The following MOB1B variants were observed in gnomAD, a reference collection of about 807,000 sequenced individuals.
MOB1B encodes MOB1 Mps One Binder homolog B.
A neutral mutation model predicts 24.4 loss-of-function variants in MOB1B; 19 were observed. The ratio of observed to expected loss-of-function variants is 0.78; its 90% CI spans 0.54 to 1.14. MOB1B has a LOEUF of 1.14. MOB1B is among the 50% of genes most tolerant of loss of function. The pLI is 0.00. For missense variants in MOB1B, 243 were observed against 259.6 expected (o/e 0.94, Z 0.44); for synonymous variants, 76 against 82.1 (o/e 0.93, Z 0.40).
chr4:70,903,309 T>A (rs758065786), intron 1 of MOB1B, among the ~76,000 whole-genome samples: 10 of 152,234 alleles, frequency 6.6e-5, no homozygotes, highest in Non-Finnish European at 1.3e-4. Flanking sequence ...TGAAAATCAT[T>A]TGTAAATGCC....
chr4:70,958,213 A>G (rs1738149960), intron 1 of MOB1B, among the ~76,000 whole-genome samples: 1 of 149,898 alleles, frequency 6.7e-6, no homozygotes, highest in South Asian at 2.1e-4. Flanking sequence ...CGCCCAGGCT[A>G]GAGTGCAGTG....
rs567283395 is a variant in MOB1B at position 70,952,903 on chromosome 4, A to G, written c.15-5971A>G. The stretch of plus-strand genomic sequence containing the variant: ...ACATGCTTGGGTATTTATGCTTTTG[A>G]ATTTGAAGACTCTGTCATTTTGTCA... On this transcript the variant is annotated intron_variant, in intron 1 of 5. Coordinates refer to ENST00000309395, the MANE Select transcript of MOB1B (RefSeq NM_173468.4). 4.1e-5 allele frequency among the ~76,000 whole-genome samples: 6 copies of G among 147,274 alleles called. 1 individual carries two copies. The South Asian group carries it at 1.3e-3, about 32-fold the overall frequency.
intron 1 of MOB1B, among the ~76,000 whole-genome samples, chr4:70,915,535 C>A (rs1313119038): frequency 6.6e-6 from 1 of 152,120 alleles, no homozygotes; most frequent in Non-Finnish European, 1.5e-5. Flanking sequence ...TTCAGGTACG[C>A]CCTATATAAA....
intron 1 of MOB1B, among the ~76,000 whole-genome samples, chr4:70,947,716 C>A (rs1205946401): frequency 5.3e-5 from 8 of 151,542 alleles, no homozygotes; most frequent in Non-Finnish European, 1.2e-4. Flanking sequence ...AGCCTCAACA[C>A]CCCTAGGCTC....
intron 1 of MOB1B, among the ~76,000 whole-genome samples, chr4:70,915,561 A>C (rs1158923336): frequency 6.6e-6 from 1 of 152,224 alleles, no homozygotes; most frequent in Non-Finnish European, 1.5e-5. Flanking sequence ...AGAATGAAGT[A>C]AAGTTATAGT....
intron 1 of MOB1B, among the ~76,000 whole-genome samples, chr4:70,944,672 G>T (rs757593488): frequency 6.6e-6 from 1 of 152,140 alleles, no homozygotes; most frequent in Non-Finnish European, 1.5e-5. Context: ...GAGGCCTCAG[G>T]AAGCTTACAA....
chr4:70,951,760 G>A (rs1438444259), intron 1 of MOB1B, among the ~76,000 whole-genome samples: 1 of 152,214 alleles, frequency 6.6e-6, no homozygotes, highest in Non-Finnish European at 1.5e-5. Flanking sequence ...TTAGCTGGGT[G>A]TGGTGGCGTA....
chr4:70,946,275 A>T (rs967837723), intron 1 of MOB1B, among the ~76,000 whole-genome samples: 1 of 152,026 alleles, frequency 6.6e-6, no homozygotes, highest in African/African-American at 2.4e-5. Flanking sequence ...CTTTTCTTTA[A>T]TATTGGTAAC....
At chr4:70,918,522 C>G (rs1736286708) in intron 1 of MOB1B, among the ~76,000 whole-genome samples, 1 of 151,096 alleles carries the variant, frequency 6.6e-6, no homozygotes, top group Non-Finnish European at 1.5e-5. Flanking sequence ...CCTTTGCCCA[C>G]TTTTTGATGG....
intron 1 of MOB1B, among the ~76,000 whole-genome samples, chr4:70,955,005 C>T (rs565368778): frequency 9.9e-5 from 15 of 151,988 alleles, no homozygotes; most frequent in African/African-American, 3.1e-4. Context: ...AGGCTGGTCT[C>T]AAACTCCTGA....
chr4:70,921,677 T>A lies in MOB1B; in HGVS notation c.14+19127T>A, dbSNP rs556519354. Among the ~76,000 whole-genome samples the A allele has an allele frequency of 1.9e-3, 282 of 152,034 alleles. 1 individual carries two copies. Among genetic ancestry groups the A allele is most frequent in the African/African-American group, 6.6e-3 (273 of 41,470 alleles). ...GCATGTGCCGCTATGCCCAGCTAAT[T>A]TTTGTATTTTTAGTAGAGATGGGGT... On this transcript the variant is annotated intron_variant, in intron 1 of 5. Coordinates refer to ENST00000309395, the MANE Select transcript of MOB1B (RefSeq NM_173468.4).
Position 70,985,710 on chromosome 4 carries a change from G to C in MOB1B, c.*3653G>C, listed in dbSNP as rs1194719645. The C allele has an allele frequency of 6.6e-6, 1 of 151,904 alleles. No individual in the cohort carries two copies. The highest frequency in any genetic ancestry group is 1.9e-4 in the East Asian group (1 of 5,172). 9.4% of individuals were successfully genotyped at this position (151,904 alleles called of 1,614,324 possible). On this transcript the variant is annotated 3_prime_UTR_variant, in exon 6 of 6. Transcript: ENST00000309395. ...AATTTTCATATTTTTAGTAGAGATGGGGTTTCAACATATTGGCCAGGCTGG... is the reference window on the plus strand; with the variant it reads ...AATTTTCATATTTTTAGTAGAGATGCGGTTTCAACATATTGGCCAGGCTGG...
chr4:70,926,661 C>G (rs142093010), intron 1 of MOB1B, among the ~76,000 whole-genome samples: 1 of 152,030 alleles, frequency 6.6e-6, no homozygotes, highest in African/African-American at 2.4e-5. Flanking sequence ...TGTGTAAAAG[C>G]GAAGTGTTAG....
chr4:70,981,875 A>G (rs1265010523), intron 5 of MOB1B, 105 bp from the exon 6 acceptor site: 8 of 748,752 alleles, frequency 1.1e-5, no homozygotes, highest in Non-Finnish European at 1.8e-5. Context: ...ACTTTTATGT[A>G]CTTCAAAAGC....
At chr4:70,902,658 G>A in intron 1 of MOB1B, 108 bp downstream of exon 1, 3 of 1,023,250 alleles carry the variant, frequency 2.9e-6, no homozygotes, top group Non-Finnish European at 3.9e-6. Flanking sequence ...CTGGCCCAGC[G>A]CTCCCGGGGC....
chr4:70,921,346 A>G (rs899943889), intron 1 of MOB1B, among the ~76,000 whole-genome samples: 1 of 152,218 alleles, frequency 6.6e-6, no homozygotes, highest in African/African-American at 2.4e-5. Context: ...AACAGTAAAC[A>G]TAATGTGAAG....
chr4:70,941,630 C>T (rs932028538), intron 1 of MOB1B, among the ~76,000 whole-genome samples: 2 of 152,122 alleles, frequency 1.3e-5, no homozygotes, highest in African/African-American at 2.4e-5. Context: ...TGTGAGCTAC[C>T]GTGCCCAGTC....
rs1578409703 is a variant in MOB1B, at chr4:70,983,357, T to C, written c.*1300T>C. ...TGTTTTTCTTTGCAGCAGTATTAGA[T>C]AATGAAAAATGCTAATTCAGTAGTT... On this transcript the variant is annotated 3_prime_UTR_variant, in exon 6 of 6. Transcript: ENST00000309395. The C allele has an allele frequency of 1.3e-5, 2 of 152,580 alleles. No homozygotes were observed. Among genetic ancestry groups the C allele is most frequent in the Non-Finnish European group, 2.9e-5 (2 of 67,998 alleles). The allele number at this position is 152,580 out of a possible 1,614,324, so 9.5% of individuals were successfully genotyped here. A position where few individuals can be genotyped will look rare whatever the true frequency, so the allele number is the denominator to read the frequency against.
chr4:70,926,726 G>A (rs919718031), intron 1 of MOB1B, among the ~76,000 whole-genome samples: 2 of 152,310 alleles, frequency 1.3e-5, no homozygotes, highest in South Asian at 2.1e-4. Flanking sequence ...AACAAGATGT[G>A]CCGGGCGCAG....
Sources: allele counts gnomAD v4.1 joint callset (sites outside exome capture counted in the v4.1 genomes callset), GRCh38; gene constraint gnomAD v4.1.1; transcripts MANE v1.5; gene names NCBI Gene and HGNC (gene_info 2026-07-23, HGNC 2026-07-21).